Variants in ABI3BP observed in about 807,000 individuals in gnomAD.
ABI3BP encodes the protein ABI family member 3 binding protein.
Under a neutral mutation model 268.6 loss-of-function variants are expected in ABI3BP, and 216 were observed. That is an observed-to-expected ratio of 0.80 (90% CI 0.72 to 0.90). The LOEUF (loss-of-function observed/expected upper bound fraction) is 0.90, where lower values mean the gene tolerates loss of function less well. Among genes scored for constraint, ABI3BP ranks in the 40% least tolerant of loss-of-function variants. ABI3BP has a pLI of 0.00. For missense variants in ABI3BP, 2,090 were observed against 2,182.4 expected (o/e 0.96, Z 0.84); for synonymous variants, 730 against 730.0 (o/e 1.00, Z 0.00).
intron 4 of ABI3BP, among the ~76,000 whole-genome samples, chr3:100,893,137 G>T (rs2045564162): frequency 6.6e-6 from 1 of 152,172 alleles, no homozygotes. Flanking sequence ...TCTTTCCCCT[G>T]TGCTGGATGC....
At chr3:100,922,310 C>G (rs563293322) in intron 2 of ABI3BP, among the ~76,000 whole-genome samples, 15 of 152,114 alleles carry the variant, frequency 9.9e-5, no homozygotes, top group Non-Finnish European at 2.1e-4. Flanking sequence ...ATGCCCCCAA[C>G]AAAGCTTGCT....
At chr3:100,872,044 A>G (rs1263700484) in intron 9 of ABI3BP, among the ~76,000 whole-genome samples, 2 of 152,096 alleles carry the variant, frequency 1.3e-5, no homozygotes, top group African/African-American at 4.8e-5. Context: ...GGGTCTTGCT[A>G]TATTGCCTAC....
chr3:100,786,323 C>T (rs1369997147), intron 57 of ABI3BP, among the ~76,000 whole-genome samples: 2 of 152,138 alleles, frequency 1.3e-5, no homozygotes, highest in Non-Finnish European at 2.9e-5. Flanking sequence ...CTATATTATT[C>T]TTCCAAAGCT....
chr3:100,866,714 C>T (rs1374159034), intron 10 of ABI3BP, among the ~76,000 whole-genome samples, 165 bp downstream of exon 10: 1 of 152,106 alleles, frequency 6.6e-6, no homozygotes, highest in Non-Finnish European at 1.5e-5. Context: ...CATTTTGCAG[C>T]TATTGTTTTC....
At chr3:100,782,536 G>A (rs2096900273) in intron 57 of ABI3BP, among the ~76,000 whole-genome samples, 1 of 152,120 alleles carries the variant, frequency 6.6e-6, no homozygotes, top group African/African-American at 2.4e-5. Context: ...ATTGGGAAGG[G>A]CCATGCAAAA....
At chr3:100,914,476 G>C (rs2057901953) in intron 2 of ABI3BP, 1 of 454,404 alleles carries the variant, frequency 2.2e-6, no homozygotes. Context: ...AAATGACTAG[G>C]AACAGCAGCC....
chr3:100,759,910 G>GTT (rs1426091337), intron 63 of ABI3BP, among the ~76,000 whole-genome samples: 1 of 152,194 alleles, frequency 6.6e-6, no homozygotes, highest in East Asian at 1.9e-4. Context: ...ATGTTGAGAA[G>GTT]TTAATACAGA....
At chr3:100,897,892 C>T (rs2048465754) in intron 4 of ABI3BP, among the ~76,000 whole-genome samples, 1 of 152,060 alleles carries the variant, frequency 6.6e-6, no homozygotes, top group South Asian at 2.1e-4. Context: ...TTGATTGAAG[C>T]TTGAAAATTT....
chr3:100,965,196 G>A (rs1444117726), intron 1 of ABI3BP, among the ~76,000 whole-genome samples: 1 of 152,078 alleles, frequency 6.6e-6, no homozygotes, highest in Non-Finnish European at 1.5e-5. Context: ...GCAGAATCAT[G>A]AATCTAAGGT....
At chr3:100,910,429 A>T (rs62785761) in intron 2 of ABI3BP, among the ~76,000 whole-genome samples, 3 of 147,482 alleles carry the variant, frequency 2.0e-5, no homozygotes, top group Non-Finnish European at 3.0e-5. Flanking sequence ...TAAAAAAAAA[A>T]TTATCAGTTT....
rs1422343086 is a variant in ABI3BP at position 100,993,410 on chromosome 3, A to T, written c.-26T>A. 1.1e-5 allele frequency: 17 copies of T among 1,547,388 alleles called. No homozygotes were observed. Among genetic ancestry groups the T allele is most frequent in the Non-Finnish European group, 1.5e-5 (17 of 1,143,188 alleles). ...GTTGCATTTGCCACCTCGCATGGGG[A>T]ATGATGCTGGTGGGTGCCTCGCAAC... On this transcript the variant is annotated 5_prime_UTR_variant, in exon 1 of 68. Coordinates refer to ENST00000471714, the MANE Select transcript of ABI3BP (RefSeq NM_001375547.2).
At chr3:100,755,256 A>C (rs1576579786) in intron 63 of ABI3BP, among the ~76,000 whole-genome samples, 1 of 152,284 alleles carries the variant, frequency 6.6e-6, no homozygotes, top group South Asian at 2.1e-4. Flanking sequence ...AGAATTTATA[A>C]CTTCCCTAGG....
chr3:100,829,798 A>G (rs2098453055), intron 32 of ABI3BP, 134 bp from the exon 33 acceptor site: 2 of 632,352 alleles, frequency 3.2e-6, no homozygotes, highest in Admixed American at 5.4e-5. Context: ...CTATTTCAAT[A>G]CAGTGTCTCT....
intron 54 of ABI3BP, among the ~76,000 whole-genome samples, chr3:100,793,496 G>A (rs1204248301): frequency 6.6e-6 from 1 of 151,930 alleles, no homozygotes; most frequent in Non-Finnish European, 1.5e-5. Context: ...GTTCTGATGT[G>A]AATAAACCAA....
chr3:100,834,623 T>A (rs916927491), intron 29 of ABI3BP, 61 bp downstream of exon 29: 8 of 1,477,624 alleles, frequency 5.4e-6, no homozygotes, highest in Middle Eastern at 1.7e-4. Context: ...CATGTTAAAC[T>A]GCCACCCCCA....
At chr3:100,910,407 A>AT (rs1261351091) in intron 2 of ABI3BP, among the ~76,000 whole-genome samples, 3 of 57,450 alleles carry the variant, frequency 5.2e-5, no homozygotes, top group African/African-American at 1.9e-4. Flanking sequence ...TGAAAGTATA[A>AT]TTTAAAAAAG....
At chr3:100,753,788 G>A (rs1190692979) in intron 65 of ABI3BP, 31 bp downstream of exon 65, 4 of 1,607,858 alleles carry the variant, frequency 2.5e-6, no homozygotes, top group African/African-American at 1.3e-5. Context: ...AGAAAAGCAT[G>A]TAGTTGTGCC....
chr3:100,810,712 A>C (rs2097843444), intron 48 of ABI3BP, among the ~76,000 whole-genome samples: 1 of 152,144 alleles, frequency 6.6e-6, no homozygotes, highest in South Asian at 2.1e-4. Flanking sequence ...CTACCTCCTC[A>C]ACAATGCTAC....
At chr3:100,847,372 G>A (rs1266622237) in intron 19 of ABI3BP, among the ~76,000 whole-genome samples, 2 of 152,184 alleles carry the variant, frequency 1.3e-5, no homozygotes, top group African/African-American at 2.4e-5. Flanking sequence ...TGGTTCAAAA[G>A]CTGACACAGA....
Sources: allele counts gnomAD v4.1 joint callset (sites outside exome capture counted in the v4.1 genomes callset), GRCh38; gene constraint gnomAD v4.1.1; transcripts MANE v1.5; gene names NCBI Gene and HGNC (gene_info 2026-07-23, HGNC 2026-07-21).